Variants in ZBTB41 observed in about 807,000 individuals in gnomAD.
ZBTB41 encodes zinc finger and BTB domain-containing protein 41.
In ZBTB41, 42 loss-of-function variants were observed where a neutral mutation model predicts 87.6. The ratio of observed to expected loss-of-function variants is 0.48; its 90% CI spans 0.37 to 0.62. ZBTB41 has a LOEUF of 0.62. ZBTB41 is among the 20% of genes least tolerant of loss of function. ZBTB41 has a pLI of 0.00. For missense variants in ZBTB41, 799 were observed against 1,078.9 expected (o/e 0.74, Z 3.63); for synonymous variants, 364 against 364.0 (o/e 1.00, Z 0.00).
chr1:197,154,416 A>T lies in ZBTB41; in HGVS notation c.*4943T>A, dbSNP rs1659016449. 1 of 152,108 alleles carries T rather than the reference A, an allele frequency of 6.6e-6. No individual in the cohort carries two copies. Among genetic ancestry groups the T allele is most frequent in the South Asian group, 2.1e-4 (1 of 4,830 alleles). The allele number at this position is 152,108 out of a possible 1,614,324, so 9.4% of individuals were successfully genotyped here. ...CTTTATGTAATTGGCTGCATAGGCT[A>T]AATTTAAATTGTTTTAGGATTTTTC... On this transcript the variant is annotated 3_prime_UTR_variant, in exon 11 of 11. Transcript: ENST00000367405.
rs925962315 is a variant in ZBTB41 at position 197,158,369 on chromosome 1, T to C, written c.*990A>G. On this transcript the variant is annotated 3_prime_UTR_variant, in exon 11 of 11. Transcript: ENST00000367405. The stretch of plus-strand genomic sequence containing the variant: ...TTAGGCACAAATTTCATAATCTGTT[T>C]GGCACCTTTTCTAACAATTGAACAC... 1 of 152,454 alleles carries C rather than the reference T, an allele frequency of 6.6e-6. No individual in the cohort carries two copies. The highest frequency in any genetic ancestry group is 2.4e-5 in the African/African-American group (1 of 41,432). 9.4% of individuals were successfully genotyped at this position (152,454 alleles called of 1,614,324 possible).
At position 197,157,859 on chromosome 1, in the gene ZBTB41, T is replaced by C. The variant is rs1246694473; in HGVS notation, c.*1500A>G. On this transcript the variant is annotated 3_prime_UTR_variant, in exon 11 of 11. Coordinates refer to ENST00000367405, the MANE Select transcript of ZBTB41 (RefSeq NM_194314.3). ...ATTCATTAAAACTTCACTGTTTTAT[T>C]TGTGATTTTTTTTTTCACAAGGGCT... 2 of 152,382 alleles carry C rather than the reference T, an allele frequency of 1.3e-5. No individual in the cohort carries two copies. The highest frequency in any genetic ancestry group is 2.9e-5 in the Non-Finnish European group (2 of 67,856). The allele number at this position is 152,382 out of a possible 1,614,324, so 9.4% of individuals were successfully genotyped here.
In ZBTB41 at chr1:197,157,120, T is replaced by G. The variant is rs1659083873; in HGVS notation, c.*2239A>C. 1 of 152,192 alleles carries G rather than the reference T, an allele frequency of 6.6e-6. No individual in the cohort carries two copies. The highest frequency in any genetic ancestry group is 2.4e-5 in the African/African-American group (1 of 41,404). The allele number at this position is 152,192 out of a possible 1,614,324, so 9.4% of individuals were successfully genotyped here. A position where few individuals can be genotyped will look rare whatever the true frequency, so the allele number is the denominator to read the frequency against. ...ATTATATTATTATATTTCACTTTAC[T>G]AAGAGATGTATTCCAAAAAAGTTCT... is the stretch of plus-strand genomic sequence containing the variant. On this transcript the variant is annotated 3_prime_UTR_variant, in exon 11 of 11. Coordinates refer to ENST00000367405, the MANE Select transcript of ZBTB41 (RefSeq NM_194314.3).
At chr1:197,174,769 C>G (rs1002622597) in intron 9 of ZBTB41, among the ~76,000 whole-genome samples, 1 of 151,964 alleles carries the variant, frequency 6.6e-6, no homozygotes, top group African/African-American at 2.4e-5. Context: ...AACCAAATGC[C>G]AAGATTTTTT....
chr1:197,173,660 T>A (rs1018620647), intron 9 of ZBTB41, among the ~76,000 whole-genome samples: 1 of 152,082 alleles, frequency 6.6e-6, no homozygotes, highest in Non-Finnish European at 1.5e-5. Flanking sequence ...TTTACACAGA[T>A]AATTTGGATT....
At chr1:197,196,419 T>C (rs1660163987) in intron 2 of ZBTB41, among the ~76,000 whole-genome samples, 1 of 152,170 alleles carries the variant, frequency 6.6e-6, no homozygotes, top group African/African-American at 2.4e-5. Context: ...TTTACTCTCA[T>C]TCTACATCCC....
intron 10 of ZBTB41, among the ~76,000 whole-genome samples, chr1:197,165,375 C>T (rs989930336): frequency 2.0e-5 from 3 of 151,718 alleles, no homozygotes; most frequent in Non-Finnish European, 4.4e-5. Context: ...TTTGGGAGGC[C>T]GAGGCGGGCG....
chr1:197,170,567 A>G (rs957501216), intron 10 of ZBTB41, among the ~76,000 whole-genome samples: 1 of 152,112 alleles, frequency 6.6e-6, no homozygotes, highest in Non-Finnish European at 1.5e-5. Flanking sequence ...ATAACTCTCA[A>G]TGCACAGATA....
chr1:197,177,117 T>C (rs1659627410), intron 7 of ZBTB41, among the ~76,000 whole-genome samples: 2 of 152,140 alleles, frequency 1.3e-5, no homozygotes, highest in Admixed American at 6.6e-5. Context: ...GTAAATGGTA[T>C]GGTTTGGCTC....
In ZBTB41 at chr1:197,180,524, T is replaced by C. The variant is rs376219913; in HGVS notation, c.1676+464A>G. Among the ~76,000 whole-genome samples the C allele has an allele frequency of 8.6e-5, 13 of 151,058 alleles. No individual in the cohort carries two copies. In the East Asian group the frequency reaches 1.4e-3, roughly 16 times the overall value. ...GCCCACCAATATGACAGTCTGTAGA[T>C]AACACCCAGCTTTGTGGAAAATATC... On this transcript the variant is annotated intron_variant, in intron 6 of 10. Transcript: ENST00000367405.
rs776796653 is a variant in ZBTB41 at position 197,200,161 on chromosome 1, C to T, written c.313G>A (p.Val105Ile). The change falls in exon 2 of 11, where the codon GTC (valine) becomes ATC (isoleucine). Residue 105 changes from valine (V) to isoleucine (I), a missense_variant. Physicochemically the swap from Val to Ile is conservative, Grantham distance 29. Around this residue, in one of 5 missense-constraint regions of ZBTB41, gnomAD observed 59 missense variants for 120.1 expected, o/e 0.49. Transcript: ENST00000367405. ...AAATAACTACTGCCGACAGCAACGA[C>T]TACTTTATGTGCACTAAATTCTTTT... is the stretch of plus-strand genomic sequence containing the variant. ...EGKEFSAHKV[V>I]VAVGSSYFHA... is the part of the protein sequence containing the mutation. 14 of 1,613,966 alleles carry T rather than the reference C, an allele frequency of 8.7e-6. No individual in the cohort carries two copies. The highest frequency in any genetic ancestry group is 1.1e-5 in the Non-Finnish European group (13 of 1,180,018).
intron 2 of ZBTB41, among the ~76,000 whole-genome samples, chr1:197,198,251 T>C (rs1435481591): frequency 6.6e-6 from 1 of 152,144 alleles, no homozygotes; most frequent in Non-Finnish European, 1.5e-5. Flanking sequence ...TTAAATTAGA[T>C]TGTCCAAAGT....
Position 197,159,204 on chromosome 1 carries a change from G to A in ZBTB41, c.*155C>T, listed in dbSNP as rs145364082. ...AATTTTGTCCAAATATTCATGTTCA[G>A]TAAACAGAGACACATAGTTTTCTTG... On this transcript the variant is annotated 3_prime_UTR_variant, in exon 11 of 11. Coordinates refer to ENST00000367405, the MANE Select transcript of ZBTB41 (RefSeq NM_194314.3). 2.5e-4 allele frequency: 174 copies of A among 704,928 alleles called. No homozygotes were observed. The African/African-American group carries it at 2.6e-3, about 11-fold the overall frequency. The allele number at this position is 704,928 out of a possible 1,614,324, so 43.7% of individuals were successfully genotyped here.
intron 6 of ZBTB41, among the ~76,000 whole-genome samples, chr1:197,180,405 C>T (rs1659716650): frequency 6.6e-6 from 1 of 152,108 alleles, no homozygotes; most frequent in African/African-American, 2.4e-5. Context: ...CATGACTGTA[C>T]TTGGTTTGTA....
chr1:197,166,800 T>C (rs1659356415), intron 10 of ZBTB41, among the ~76,000 whole-genome samples: 1 of 152,036 alleles, frequency 6.6e-6, no homozygotes. Flanking sequence ...TGAGCCAAGA[T>C]CGTGCTATTG....
intron 7 of ZBTB41, 143 bp from the exon 8 acceptor site, chr1:197,176,813 T>G: frequency 1.6e-6 from 1 of 632,580 alleles, no homozygotes; most frequent in East Asian, 2.8e-5. Context: ...TTCTATGACT[T>G]TCAGAGTCCT....
chr1:197,194,863 G>A (rs574807854), intron 2 of ZBTB41, among the ~76,000 whole-genome samples: 6 of 152,252 alleles, frequency 3.9e-5, no homozygotes, highest in African/African-American at 1.4e-4. Flanking sequence ...AACAAGAACA[G>A]GAGAGACAAC....
In ZBTB41 at chr1:197,155,555, G is replaced by C. The variant is rs1659045678; in HGVS notation, c.*3804C>G. 6.6e-6 allele frequency: 1 copy of C among 152,196 alleles called. No individual in the cohort carries two copies. Among genetic ancestry groups the C allele is most frequent in the Non-Finnish European group, 1.5e-5 (1 of 67,782 alleles). The allele number at this position is 152,196 out of a possible 1,614,324, so 9.4% of individuals were successfully genotyped here. A position where few individuals can be genotyped will look rare whatever the true frequency, so the allele number is the denominator to read the frequency against. ...ACTGATATATGAGAGTGATATGGTA[G>C]GAAGAAAACTCAAGCTTATAAACAT... On this transcript the variant is annotated 3_prime_UTR_variant, in exon 11 of 11. Coordinates refer to ENST00000367405, the MANE Select transcript of ZBTB41 (RefSeq NM_194314.3).
At chr1:197,185,602 A>T (rs1659861285) in intron 5 of ZBTB41, among the ~76,000 whole-genome samples, 1 of 151,868 alleles carries the variant, frequency 6.6e-6, no homozygotes, top group Non-Finnish European at 1.5e-5. Context: ...CAAAAAAAAA[A>T]ACAAACCAAA....
Sources: allele counts gnomAD v4.1 joint callset (sites outside exome capture counted in the v4.1 genomes callset), GRCh38; gene constraint gnomAD v4.1.1; regional missense constraint gnomAD v4.1.1; transcripts MANE v1.5; gene names NCBI Gene and HGNC (gene_info 2026-07-23, HGNC 2026-07-21).